Variants in SYT1 observed in about 807,000 individuals in gnomAD.
SYT1 encodes the protein synaptotagmin 1.
SYT1 carries 8 observed loss-of-function variants against 44.8 expected under a neutral mutation model. The ratio of observed to expected loss-of-function variants is 0.18; its 90% confidence interval spans 0.10 to 0.32. SYT1 has a LOEUF of 0.32. Ranked by LOEUF, SYT1 falls within the 10% of genes least tolerant of loss-of-function variation. The pLI is 1.00. For missense variants in SYT1, 286 were observed against 509.3 expected, an observed-to-expected ratio of 0.56 and a Z score of 4.22; for synonymous variants, 154 against 188.8, an observed-to-expected ratio of 0.82 and a Z score of 1.51.
At chr12:78,889,229 T>C (rs1427814546) in intron 1 of SYT1, among the ~76,000 whole-genome samples, 5 of 151,958 alleles carry the variant, frequency 3.3e-5, no homozygotes, top group East Asian at 1.9e-4. Flanking sequence ...CAGAGAATTT[T>C]CTCTGAAATT....
At chr12:79,329,059 A>G (rs547774655) in intron 8 of SYT1, among the ~76,000 whole-genome samples, 38 of 152,278 alleles carry the variant, frequency 2.5e-4, no homozygotes, top group African/African-American at 8.4e-4. Flanking sequence ...AACCGCTACA[A>G]TCATCCGCTC....
chr12:79,039,459 C>T (rs1342893819), intron 2 of SYT1, among the ~76,000 whole-genome samples: 2 of 151,832 alleles, frequency 1.3e-5, no homozygotes, highest in Non-Finnish European at 2.9e-5. Context: ...TTCACTTTCT[C>T]CTCTAAAATA....
At chr12:79,281,355 A>G (rs539717837) in intron 4 of SYT1, among the ~76,000 whole-genome samples, 35 of 152,318 alleles carry the variant, frequency 2.3e-4, no homozygotes, top group African/African-American at 7.5e-4. Flanking sequence ...CAGTTATAAT[A>G]AAAGAACAAA....
intron 9 of SYT1, among the ~76,000 whole-genome samples, chr12:79,419,688 C>A (rs893149744): frequency 6.6e-6 from 1 of 151,996 alleles, no homozygotes; most frequent in Non-Finnish European, 1.5e-5. Context: ...ACTCTTGTAC[C>A]TATCACACTA....
chr12:79,400,145 A>T (rs1443165305), intron 9 of SYT1, among the ~76,000 whole-genome samples: 1 of 152,130 alleles, frequency 6.6e-6, no homozygotes, highest in African/African-American at 2.4e-5. Flanking sequence ...TCAAGTTCAA[A>T]CTTCCTACTC....
In SYT1 at chr12:79,008,707, A is replaced by C. The variant is rs1871239104; in HGVS notation, c.-84+30776A>C. On this transcript the variant is annotated intron_variant, in intron 2 of 10. Transcript: ENST00000261205. ...TTTCCAGGATCCTGGAATCAGCAGT[A>C]TGTTGGATACGTAAGGTGCTCCAAA... Among the ~76,000 whole-genome samples, 6 of 152,248 alleles carry C rather than the reference A, an allele frequency of 3.9e-5. 1 individual carries two copies. In the South Asian group the frequency reaches 8.3e-4, roughly 21 times the overall value.
At chr12:78,972,436 T>C (rs1332248454) in intron 1 of SYT1, among the ~76,000 whole-genome samples, 1 of 151,798 alleles carries the variant, frequency 6.6e-6, no homozygotes, top group East Asian at 1.9e-4. Flanking sequence ...ATATTCAAAT[T>C]AGACTTTTAA....
At chr12:79,342,898 G>A (rs1882442031) in intron 8 of SYT1, among the ~76,000 whole-genome samples, 1 of 152,200 alleles carries the variant, frequency 6.6e-6, no homozygotes, top group African/African-American at 2.4e-5. Context: ...AAAGTCTGGG[G>A]CTTAGAGAAA....
intron 8 of SYT1, among the ~76,000 whole-genome samples, chr12:79,351,169 C>T (rs1882883987): frequency 6.6e-6 from 1 of 152,130 alleles, no homozygotes; most frequent in Non-Finnish European, 1.5e-5. Flanking sequence ...ATTCTTCTCC[C>T]ATCCCATAAC....
intron 2 of SYT1, among the ~76,000 whole-genome samples, chr12:79,028,380 G>A (rs961132774): frequency 4.0e-5 from 6 of 151,330 alleles, no homozygotes; most frequent in Admixed American, 6.6e-5. Context: ...TAATACTATA[G>A]AAGTTCAAAA....
chr12:79,373,610 T>A (rs1883879897), intron 9 of SYT1, among the ~76,000 whole-genome samples: 1 of 152,188 alleles, frequency 6.6e-6, no homozygotes, highest in Admixed American at 6.6e-5. Context: ...ATCAAAAAAA[T>A]GCCTCACAAA....
chr12:79,013,114 A>G (rs576053997), intron 2 of SYT1, among the ~76,000 whole-genome samples: 1 of 152,204 alleles, frequency 6.6e-6, no homozygotes, highest in African/African-American at 2.4e-5. Flanking sequence ...CATCAAGGTC[A>G]GTTATTAAAC....
intron 4 of SYT1, among the ~76,000 whole-genome samples, chr12:79,261,305 C>G (rs773484478): frequency 1.3e-5 from 2 of 152,176 alleles, no homozygotes; most frequent in Non-Finnish European, 2.9e-5. Context: ...AGTATCCATT[C>G]TTAACATTAA....
rs189773199 is a variant in SYT1 at position 78,881,721 on chromosome 12, A to G, written c.-217+16612A>G. On this transcript the variant is annotated intron_variant, in intron 1 of 10. Coordinates refer to ENST00000261205, the MANE Select transcript of SYT1 (RefSeq NM_005639.3). ...GCTTGGTAATTTTCCTTTCAAAAGAAGAAAAGAGGAGAGGAGATGAGGAGA... is the reference window on the plus strand; with the variant it reads ...GCTTGGTAATTTTCCTTTCAAAAGAGGAAAAGAGGAGAGGAGATGAGGAGA... Among the ~76,000 whole-genome samples the G allele has an allele frequency of 8.7e-4, 132 of 151,752 alleles. No individual in the cohort carries two copies. In the East Asian group the frequency reaches 0.02, roughly 23 times the overall value.
chr12:78,887,260 G>A (rs1019716457), intron 1 of SYT1, among the ~76,000 whole-genome samples: 2 of 151,868 alleles, frequency 1.3e-5, no homozygotes, highest in Non-Finnish European at 2.9e-5. Flanking sequence ...TTATCCACCC[G>A]TTAGTCACTT....
At chr12:78,979,743 A>G (rs914142982) in intron 2 of SYT1, among the ~76,000 whole-genome samples, 6 of 152,068 alleles carry the variant, frequency 3.9e-5, no homozygotes, top group Non-Finnish European at 7.4e-5. Context: ...AAGGATATGG[A>G]TGTCTGTTAT....
At chr12:79,328,411 TC>T (rs1375382058) in intron 8 of SYT1, among the ~76,000 whole-genome samples, 5 of 152,206 alleles carry the variant, frequency 3.3e-5, no homozygotes, top group Non-Finnish European at 5.9e-5. Flanking sequence ...TGATATTACA[TC>T]CTTTTTTACC....
chr12:78,954,137 G>A (rs1227358349), intron 1 of SYT1, among the ~76,000 whole-genome samples: 1 of 152,074 alleles, frequency 6.6e-6, no homozygotes, highest in Non-Finnish European at 1.5e-5. Flanking sequence ...CTTTCAGGAT[G>A]TTTAGCTAAG....
intron 1 of SYT1, among the ~76,000 whole-genome samples, chr12:78,921,227 GA>G (rs1876979644): frequency 6.6e-6 from 1 of 151,870 alleles, no homozygotes; most frequent in African/African-American, 2.4e-5. Context: ...CTTTAGAGTA[GA>G]AATTTTGGTC....
Sources: gnomAD v4.1 joint callset for allele counts (sites outside exome capture counted in the v4.1 genomes callset) on GRCh38, gnomAD v4.1.1 for gene constraint, MANE v1.5 for transcripts, NCBI Gene and HGNC (gene_info 2026-07-23, HGNC 2026-07-21) for gene names.